The following ETS1 variants were observed in gnomAD, a reference collection of about 807,000 sequenced individuals.
ETS1 encodes protein C-ets-1.
In ETS1, 15 loss-of-function variants were observed where a neutral mutation model predicts 58.6. The observed-to-expected ratio is 0.26, with a 90% CI of 0.17 to 0.39. ETS1 has a LOEUF of 0.39. Among genes scored for constraint, ETS1 ranks in the 10% least tolerant of loss-of-function variants. The probability of loss-of-function intolerance (pLI) is 1.00; values close to 1 mark genes in which losing one functional copy is unlikely to be tolerated. For missense variants in ETS1, 417 were observed against 610.5 expected (o/e 0.68, Z 3.34); for synonymous variants, 214 against 218.2 (o/e 0.98, Z 0.17).
In ETS1 at chr11:128,486,128, T is replaced by A. The variant is rs1168709666; in HGVS notation, c.554A>T (p.Gln185Leu). 1 of 1,608,598 alleles carries A rather than the reference T, an allele frequency of 6.2e-7. No homozygotes were observed. Among genetic ancestry groups the A allele is most frequent in the Non-Finnish European group, 8.5e-7 (1 of 1,175,098 alleles). Reference sequence around the variant, plus strand: ...ATAGGCTGGGTTGACTCCATTAACTTGATATGGTTTCACATCCTCTGTAAT... The same window carrying A: ...ATAGGCTGGGTTGACTCCATTAACTAGATATGGTTTCACATCCTCTGTAAT... ...ILQKEDVKPYQVNGVNPAYPE... is the reference protein window; with the variant it reads ...ILQKEDVKPYLVNGVNPAYPE... The change falls in exon 6 of 10, where the codon CAA becomes CTA. Residue 185 changes from glutamine (Q) to leucine (L), a missense_variant. Gln to Leu is a moderately radical substitution (Grantham distance 113, BLOSUM62 -2). This residue lies in a region of ETS1 where 132 missense variants were observed against 212.1 expected (regional missense o/e 0.62). Coordinates refer to ENST00000392668, the MANE Select transcript of ETS1 (RefSeq NM_001143820.2).
intron 3 of ETS1, among the ~76,000 whole-genome samples, chr11:128,534,406 A>C (rs541997089): frequency 2.0e-5 from 3 of 152,276 alleles, no homozygotes; most frequent in East Asian, 1.9e-4. Flanking sequence ...AAAACAAGAA[A>C]ATTTTTTCCT....
intron 5 of ETS1, among the ~76,000 whole-genome samples, chr11:128,487,216 C>A (rs902390495): frequency 6.6e-6 from 1 of 152,192 alleles, no homozygotes; most frequent in Admixed American, 6.5e-5. Flanking sequence ...CTTCAAGTAA[C>A]TGAACCTGAA....
chr11:128,470,726 A>T (rs183976039), intron 8 of ETS1, among the ~76,000 whole-genome samples: 1 of 152,198 alleles, frequency 6.6e-6, no homozygotes, highest in Admixed American at 6.5e-5. Flanking sequence ...AAAAAATCTA[A>T]TTAGACTTCC....
At chr11:128,540,497 T>A (rs1864040461) in intron 3 of ETS1, among the ~76,000 whole-genome samples, 1 of 151,730 alleles carries the variant, frequency 6.6e-6, no homozygotes, top group Non-Finnish European at 1.5e-5. Flanking sequence ...AAAAAAAAAG[T>A]TGGTTTTCTG....
chr11:128,469,487 C>T (rs1322487089), intron 8 of ETS1, among the ~76,000 whole-genome samples: 11 of 152,332 alleles, frequency 7.2e-5, no homozygotes, highest in East Asian at 1.9e-4. Flanking sequence ...CACAGGAGGA[C>T]GCACCTCTGA....
At chr11:128,550,839 T>A (rs1172999562) in intron 3 of ETS1, among the ~76,000 whole-genome samples, 1 of 152,226 alleles carries the variant, frequency 6.6e-6, no homozygotes, top group East Asian at 1.9e-4. Context: ...TAGTTGGGCA[T>A]TAGCATAGAC....
chr11:128,505,719 C>T (rs1863210686), intron 3 of ETS1, among the ~76,000 whole-genome samples: 1 of 152,190 alleles, frequency 6.6e-6, no homozygotes, highest in Admixed American at 6.5e-5. Context: ...GTGATCAATG[C>T]AAAAGGCGGA....
intron 3 of ETS1, among the ~76,000 whole-genome samples, chr11:128,546,897 G>C (rs1565404808): frequency 6.6e-6 from 1 of 152,206 alleles, no homozygotes; most frequent in Non-Finnish European, 1.5e-5. Flanking sequence ...CTTTTCTGTG[G>C]TGCTTTGACA....
Position 128,564,105 on chromosome 11 carries a change from G to A in ETS1, c.70-7670C>T, listed in dbSNP as rs563991316. Among the ~76,000 whole-genome samples the A allele has an allele frequency of 9.2e-5, 14 of 152,286 alleles. No individual in the cohort carries two copies. In the South Asian group the frequency reaches 2.9e-3, roughly 32 times the overall value. ...TCAGAAGGACATGGGCAAGGGCGTG[G>A]TTTCTGGGGCACATCTGTTCAGAGG... On this transcript the variant is annotated intron_variant, in intron 2 of 9. Coordinates refer to ENST00000392668, the MANE Select transcript of ETS1 (RefSeq NM_001143820.2).
At chr11:128,569,318 C>CTTTTTTTTTCTTTTTTTTTTTTT (rs1864575712) in intron 2 of ETS1, among the ~76,000 whole-genome samples, 1 of 39,462 alleles carries the variant, frequency 2.5e-5, no homozygotes. Flanking sequence ...AGAGTTTCTT[C>CTTTTTTTTTCTTTTTTTTTTTTT]TTTTTTTTTT....
chr11:128,566,782 C>CA (rs1160160715), intron 2 of ETS1, among the ~76,000 whole-genome samples: 1,230 of 102,620 alleles, frequency 0.012, 12 homozygotes, highest in African/African-American at 0.028. Flanking sequence ...GACACCGTCT[C>CA]AAAAAAAAAA....
chr11:128,468,951 A>G (rs1031604620), intron 8 of ETS1, among the ~76,000 whole-genome samples: 1 of 152,234 alleles, frequency 6.6e-6, no homozygotes, highest in African/African-American at 2.4e-5. Context: ...CAGGTATGAT[A>G]GCTTGTCTTC....
intron 3 of ETS1, among the ~76,000 whole-genome samples, chr11:128,497,771 C>A (rs1315954306): frequency 1.3e-5 from 2 of 152,226 alleles, no homozygotes; most frequent in Non-Finnish European, 2.9e-5. Context: ...TTCTTTCCTA[C>A]CTCCTCCACC....
rs534200521 is a variant in ETS1 at position 128,563,875 on chromosome 11, G to A, written c.70-7440C>T. Among the ~76,000 whole-genome samples the A allele has an allele frequency of 5.9e-5, 9 of 152,316 alleles. No individual in the cohort carries two copies. The South Asian group carries it at 6.2e-4, about 11-fold the overall frequency. On this transcript the variant is annotated intron_variant, in intron 2 of 9. Transcript: ENST00000392668. ...CACCTGGCAGGTGCTCAATTAAAGT[G>A]TGTGCAATACCTAGGCCATTTCTCT... is the stretch of plus-strand genomic sequence containing the variant.
chr11:128,509,067 G>T (rs768349785), intron 3 of ETS1, among the ~76,000 whole-genome samples: 1 of 151,990 alleles, frequency 6.6e-6, no homozygotes, highest in East Asian at 1.9e-4. Flanking sequence ...TCGCTGTTCG[G>T]TTCACCCAGC....
chr11:128,478,386 AG>A (rs1862387962), intron 8 of ETS1, among the ~76,000 whole-genome samples: 2 of 87,502 alleles, frequency 2.3e-5, no homozygotes, highest in Admixed American at 2.9e-4. Flanking sequence ...GGAGGGAGGA[AG>A]GGAGGGAGGG....
At position 128,462,181 on chromosome 11, in the gene ETS1, C is replaced by A; in HGVS notation, c.*180G>T. 1.8e-6 allele frequency: 1 copy of A among 559,356 alleles called. No individual in the cohort carries two copies. The highest frequency in any genetic ancestry group is 2.6e-5 in the South Asian group (1 of 37,934). The allele number at this position is 559,356 out of a possible 1,614,324, so 34.6% of individuals were successfully genotyped here. A position where few individuals can be genotyped will look rare whatever the true frequency, so the allele number is the denominator to read the frequency against. On this transcript the variant is annotated 3_prime_UTR_variant, in exon 10 of 10. Transcript: ENST00000392668. ...GTCCCACCCACCCCACAAGTCCTGG[C>A]TTTCCTTTCCCAACTGCGCACAATT...
intron 8 of ETS1, among the ~76,000 whole-genome samples, chr11:128,475,441 G>A (rs1183970813): frequency 1.3e-5 from 2 of 152,008 alleles, no homozygotes; most frequent in African/African-American, 4.8e-5. Flanking sequence ...TTGGCCCTGG[G>A]ACTTTCTTAT....
At chr11:128,509,535 G>A (rs1863332866) in intron 3 of ETS1, among the ~76,000 whole-genome samples, 1 of 146,880 alleles carries the variant, frequency 6.8e-6, no homozygotes, top group Middle Eastern at 3.5e-3. Context: ...AATGCACCAT[G>A]GAAATCAGGT....
Sources: allele counts gnomAD v4.1 joint callset (sites outside exome capture counted in the v4.1 genomes callset), GRCh38; gene constraint gnomAD v4.1.1; regional missense constraint gnomAD v4.1.1; transcripts MANE v1.5; gene names NCBI Gene and HGNC (gene_info 2026-07-23, HGNC 2026-07-21).